The following DTX4 variants were observed in gnomAD, a reference collection of about 807,000 sequenced individuals.
The protein encoded by DTX4 is E3 ubiquitin-protein ligase DTX4.
Under a neutral mutation model 57.6 loss-of-function variants are expected in DTX4, and 28 were observed. The ratio of observed to expected loss-of-function variants is 0.49; its 90% CI spans 0.36 to 0.67. DTX4 has a LOEUF of 0.67. Among genes scored for constraint, DTX4 ranks in the 30% least tolerant of loss-of-function variants. The pLI, the probability that DTX4 is intolerant of heterozygous loss-of-function variation, is 0.00. For synonymous variants in DTX4, 316 were observed against 331.0 expected, an observed-to-expected ratio of 0.95 and a Z score of 0.49; for missense variants, 715 against 836.8, an observed-to-expected ratio of 0.85 and a Z score of 1.80.
chr11:59,180,477 C>T (rs1449216553), intron 1 of DTX4, among the ~76,000 whole-genome samples: 1 of 152,190 alleles, frequency 6.6e-6, no homozygotes, highest in African/African-American at 2.4e-5. Flanking sequence ...TTCTTCCCCC[C>T]TTGAATGGGA....
chr11:59,191,905 A>G (rs1862603713), intron 5 of DTX4, among the ~76,000 whole-genome samples, 193 bp from the exon 6 acceptor site: 1 of 152,234 alleles, frequency 6.6e-6, no homozygotes, highest in Non-Finnish European at 1.5e-5. Context: ...GTTAATCAGT[A>G]CCAGGAATTA....
chr11:59,203,738 C>T (rs571321826), intron 8 of DTX4, among the ~76,000 whole-genome samples: 13 of 152,236 alleles, frequency 8.5e-5, no homozygotes, highest in Non-Finnish European at 1.3e-4. Context: ...ATCACCATTG[C>T]ATATGTGTTC....
At chr11:59,195,406 C>A (rs747032300) in intron 7 of DTX4, 37 bp downstream of exon 7, 2 of 1,565,488 alleles carry the variant, frequency 1.3e-6, no homozygotes, top group Non-Finnish European at 1.7e-6. Flanking sequence ...TCTGTCACCC[C>A]TTGGTTTTTA....
chr11:59,196,686 G>A (rs567540221), intron 7 of DTX4, among the ~76,000 whole-genome samples: 1 of 152,262 alleles, frequency 6.6e-6, no homozygotes, highest in Non-Finnish European at 1.5e-5. Context: ...GATTCTCATA[G>A]GAACACAAAC....
rs1190536564 is a variant in DTX4 at position 59,208,211 on chromosome 11, T to C, written c.*3302T>C. ...TGTTGGCCTTCTGCTGTTTGTAGAT[T>C]AGTGCACCTATCTGTGAGGGATTTG... On this transcript the variant is annotated 3_prime_UTR_variant, in exon 9 of 9. Transcript: ENST00000227451. 6.6e-6 allele frequency: 1 copy of C among 152,644 alleles called. No individual in the cohort carries two copies. Among genetic ancestry groups the C allele is most frequent in the Non-Finnish European group, 1.5e-5 (1 of 68,042 alleles). The allele number at this position is 152,644 out of a possible 1,614,324, so 9.5% of individuals were successfully genotyped here.
chr11:59,182,389 G>C lies in DTX4; in HGVS notation c.862G>C (p.Ala288Pro). 1 of 1,613,652 alleles carries C rather than the reference G, an allele frequency of 6.2e-7. No homozygotes were observed. The highest frequency in any genetic ancestry group is 8.5e-7 in the Non-Finnish European group (1 of 1,179,806). Reference sequence around the variant, plus strand: ...ACCCAACAGCAAGACCGGAAGGGTGGCCCTGGCCACCTTGAATCGTACCAA... The same window carrying C: ...ACCCAACAGCAAGACCGGAAGGGTGCCCCTGGCCACCTTGAATCGTACCAA... ...PGPNSKTGRV[A>P]LATLNRTNLQ... Residue 288 changes from alanine (A) to proline (P), a missense_variant, in exon 2 of 9, where the codon GCC becomes CCC. Coordinates refer to ENST00000227451, the MANE Select transcript of DTX4 (RefSeq NM_015177.2).
At chr11:59,181,031 A>G (rs1474842528) in intron 1 of DTX4, among the ~76,000 whole-genome samples, 2 of 149,774 alleles carry the variant, frequency 1.3e-5, no homozygotes, top group Non-Finnish European at 3.0e-5. Context: ...GTAACACACC[A>G]TTTTTTTTTT....
In DTX4 at chr11:59,181,794, G is replaced by T. The variant is rs779035023; in HGVS notation, c.267G>T (p.Lys89Asn). 2 of 1,613,844 alleles carry T rather than the reference G, an allele frequency of 1.2e-6. No individual in the cohort carries two copies. Among genetic ancestry groups the T allele is most frequent in the Non-Finnish European group, 1.7e-6 (2 of 1,179,770 alleles). The change falls in exon 2 of 9, where the codon AAG becomes AAT. Residue 89 changes from lysine (K) to asparagine (N), a missense_variant. Physicochemically the swap from Lys to Asn is moderately conservative, Grantham distance 94 (BLOSUM62 0). Transcript: ENST00000227451. ...NYYDPSSAPG[K>N]GVVWEWENDN... The stretch of plus-strand genomic sequence containing the variant: ...ACGACCCCTCCTCGGCCCCTGGGAA[G>T]GGCGTGGTGTGGGAGTGGGAGAACG...
chr11:59,180,846 C>G (rs911849399), intron 1 of DTX4, among the ~76,000 whole-genome samples: 11 of 152,168 alleles, frequency 7.2e-5, no homozygotes, highest in Admixed American at 6.5e-4. Context: ...AAGTGAGACT[C>G]TGAAAATTAA....
At chr11:59,198,091 A>G (rs1349102304) in intron 7 of DTX4, among the ~76,000 whole-genome samples, 1 of 152,222 alleles carries the variant, frequency 6.6e-6, no homozygotes, top group Non-Finnish European at 1.5e-5. Context: ...GGGACCACAC[A>G]GGCATGCGCT....
At chr11:59,175,713 G>A (rs1862387664) in intron 1 of DTX4, among the ~76,000 whole-genome samples, 1 of 152,112 alleles carries the variant, frequency 6.6e-6, no homozygotes, top group Non-Finnish European at 1.5e-5. Flanking sequence ...TGACTGAAGA[G>A]CTTTACTTCA....
rs551232546 is a variant in DTX4, at chr11:59,188,909, T to C, written c.997+113T>C. 8 of 1,126,640 alleles carry C rather than the reference T, an allele frequency of 7.1e-6. No individual in the cohort carries two copies. In the South Asian group the frequency reaches 1.1e-4, roughly 16 times the overall value. 69.8% of individuals were successfully genotyped at this position (1,126,640 alleles called of 1,614,324 possible). On this transcript the variant is annotated intron_variant, in intron 3 of 8. Coordinates refer to ENST00000227451, the MANE Select transcript of DTX4 (RefSeq NM_015177.2). The stretch of plus-strand genomic sequence containing the variant: ...GAATCTAGATATTAATGAAAGCAAA[T>C]GGTGATTTTAGGAATTGCATGGGAA...
intron 1 of DTX4, among the ~76,000 whole-genome samples, chr11:59,178,088 C>T (rs1420374101): frequency 6.6e-6 from 1 of 152,094 alleles, no homozygotes; most frequent in Non-Finnish European, 1.5e-5. Flanking sequence ...GCCCAGGGGG[C>T]CTCCTTGAAG....
At chr11:59,185,192 C>T (rs1862513179) in intron 2 of DTX4, 1 of 152,258 alleles carries the variant, frequency 6.6e-6, no homozygotes, top group African/African-American at 2.4e-5. Flanking sequence ...GCCCCCTCCT[C>T]TAGAGCTGAG....
chr11:59,201,355 C>A (rs568762767), intron 8 of DTX4, among the ~76,000 whole-genome samples: 10 of 152,224 alleles, frequency 6.6e-5, no homozygotes, highest in Non-Finnish European at 2.9e-5. Context: ...GTCGGCTCCA[C>A]GTGTCTTCCT....
At chr11:59,175,298 T>C (rs918646636) in intron 1 of DTX4, among the ~76,000 whole-genome samples, 2 of 152,250 alleles carry the variant, frequency 1.3e-5, no homozygotes, top group African/African-American at 4.8e-5. Context: ...CTCTCCTTTT[T>C]TGTTGCCTCC....
chr11:59,203,072 G>T (rs2082821478), intron 8 of DTX4, among the ~76,000 whole-genome samples: 1 of 152,222 alleles, frequency 6.6e-6, no homozygotes, highest in African/African-American at 2.4e-5. Flanking sequence ...TACCACGAAT[G>T]GTACTTGCAG....
At chr11:59,202,107 A>G (rs114182079) in intron 8 of DTX4, among the ~76,000 whole-genome samples, 1 of 152,386 alleles carries the variant, frequency 6.6e-6, no homozygotes, top group African/African-American at 2.4e-5. Flanking sequence ...TAAAAGAAAT[A>G]AAATGAAGAA....
chr11:59,201,298 A>G (rs564676761), intron 8 of DTX4, among the ~76,000 whole-genome samples: 1 of 152,282 alleles, frequency 6.6e-6, no homozygotes, highest in African/African-American at 2.4e-5. Context: ...GGATTTCAAC[A>G]TAGCAATTTC....
Sources: allele counts gnomAD v4.1 joint callset (sites outside exome capture counted in the v4.1 genomes callset), GRCh38; gene constraint gnomAD v4.1.1; transcripts MANE v1.5; gene names NCBI Gene and HGNC (gene_info 2026-07-23, HGNC 2026-07-21).